The following RHBDD1 variants were observed in gnomAD, a reference collection of about 807,000 sequenced individuals.
RHBDD1 encodes rhomboid-related protein 4.
RHBDD1 carries 38 observed loss-of-function variants against 36.3 expected under a neutral mutation model. That is an observed-to-expected ratio of 1.05 (90% CI 0.81 to 1.37). The LOEUF is 1.37. Among genes scored for constraint, RHBDD1 ranks in the 40% most tolerant of loss-of-function variants. The pLI, the probability that RHBDD1 is intolerant of heterozygous loss-of-function variation, is 0.00. For synonymous variants in RHBDD1, 151 were observed against 136.5 expected (o/e 1.11, Z -0.74); for missense variants, 393 against 377.6 (o/e 1.04, Z -0.34).
the RHBDD1 span, among the ~76,000 whole-genome samples, chr2:226,806,791 T>C: frequency 6.6e-6 from 1 of 152,224 alleles, no homozygotes; most frequent in Non-Finnish European, 1.5e-5. Flanking sequence ...ATTAATTTCC[T>C]AGCACACTAA....
chr2:226,956,023 C>T (rs1034732889), intron 8 of RHBDD1, among the ~76,000 whole-genome samples: 2 of 152,318 alleles, frequency 1.3e-5, no homozygotes, highest in East Asian at 1.9e-4. Flanking sequence ...GTCCCCATGA[C>T]AGCCCTATGA....
At chr2:226,915,648 G>A (rs1948847569) in intron 8 of RHBDD1, among the ~76,000 whole-genome samples, 1 of 152,166 alleles carries the variant, frequency 6.6e-6, no homozygotes, top group Non-Finnish European at 1.5e-5. Context: ...TATAGTCTTA[G>A]TAGCAACAGT....
rs535527106 is a variant in RHBDD1, at chr2:226,955,612, A to C, written c.857-39819A>C. On this transcript the variant is annotated intron_variant, in intron 8 of 8. Transcript: ENST00000392062. ...CCAAAGACTGGGTGGCTTAAACAAC[A>C]GAAGCTTGTTTCTCACTATTCTGGA... is the stretch of plus-strand genomic sequence containing the variant. 1.4e-4 allele frequency among the ~76,000 whole-genome samples: 22 copies of C among 152,350 alleles called. No homozygotes were observed. In the East Asian group the frequency reaches 4.1e-3, roughly 28 times the overall value.
intron 3 of RHBDD1, among the ~76,000 whole-genome samples, chr2:226,842,648 T>A (rs752793040): frequency 6.6e-6 from 1 of 152,220 alleles, no homozygotes; most frequent in Non-Finnish European, 1.5e-5. Context: ...TGTCTATGTA[T>A]CTGTTCTTGT....
At chr2:226,943,842 C>G (rs563082400) in intron 8 of RHBDD1, among the ~76,000 whole-genome samples, 2 of 152,300 alleles carry the variant, frequency 1.3e-5, no homozygotes, top group African/African-American at 4.8e-5. Flanking sequence ...TTTCATCCCC[C>G]TTTGGTAGCC....
intron 8 of RHBDD1, among the ~76,000 whole-genome samples, chr2:226,989,460 T>C (rs1376906359): frequency 6.6e-6 from 1 of 152,226 alleles, no homozygotes; most frequent in Non-Finnish European, 1.5e-5. Context: ...AATATCCTCA[T>C]ATCTTGATCT....
At chr2:226,914,852 G>C (rs1465658511) in intron 8 of RHBDD1, among the ~76,000 whole-genome samples, 1 of 152,084 alleles carries the variant, frequency 6.6e-6, no homozygotes, top group Non-Finnish European at 1.5e-5. Context: ...CTTTCCAGGA[G>C]ATTCTTTTAT....
chr2:226,912,030 T>G (rs1339215483), intron 7 of RHBDD1, among the ~76,000 whole-genome samples: 1 of 151,988 alleles, frequency 6.6e-6, no homozygotes, highest in African/African-American at 2.4e-5. Flanking sequence ...GTTAGAAGAG[T>G]TTTTTCACAA....
chr2:226,860,834 G>A (rs1574842793), intron 3 of RHBDD1, among the ~76,000 whole-genome samples: 1 of 152,182 alleles, frequency 6.6e-6, no homozygotes, highest in African/African-American at 2.4e-5. Context: ...TTCGCATTAA[G>A]TATACATTTA....
At chr2:226,873,042 C>G (rs891898942) in intron 5 of RHBDD1, among the ~76,000 whole-genome samples, 1 of 152,166 alleles carries the variant, frequency 6.6e-6, no homozygotes, top group African/African-American at 2.4e-5. Context: ...GAAGATTTTT[C>G]CAGACACTGG....
rs571852598 is a variant in RHBDD1 at position 226,895,879 on chromosome 2, G to A, written c.567-10914G>A. On this transcript the variant is annotated intron_variant, in intron 5 of 8. Coordinates refer to ENST00000392062, the MANE Select transcript of RHBDD1 (RefSeq NM_001167608.3). ...TGTTCTTAAAATGAGAGCCTTGCTC[G>A]GTGTCTTTTCCCTTTGCATTTAAAA... 144 of 906,426 alleles carry A rather than the reference G, an allele frequency of 1.6e-4. No homozygotes were observed. The African/African-American group carries it at 1.7e-3, about 11-fold the overall frequency. The allele number at this position is 906,426 out of a possible 1,614,324, so 56.1% of individuals were successfully genotyped here.
At chr2:226,961,438 AT>A (rs1255984205) in intron 8 of RHBDD1, among the ~76,000 whole-genome samples, 2 of 152,142 alleles carry the variant, frequency 1.3e-5, no homozygotes, top group African/African-American at 4.8e-5. Flanking sequence ...ATTTCAATCA[AT>A]TTTGGAAATT....
the RHBDD1 span, among the ~76,000 whole-genome samples, chr2:226,826,871 G>C: frequency 6.6e-6 from 1 of 152,004 alleles, no homozygotes; most frequent in Non-Finnish European, 1.5e-5. Flanking sequence ...AAAACCACTT[G>C]AGTTCTAAAG....
At chr2:226,950,724 C>A (rs1951358849) in intron 8 of RHBDD1, among the ~76,000 whole-genome samples, 1 of 152,152 alleles carries the variant, frequency 6.6e-6, no homozygotes, top group Admixed American at 6.5e-5. Flanking sequence ...ATTAGCATTT[C>A]CCTGATATTT....
upstream of RHBDD1, among the ~76,000 whole-genome samples, chr2:226,832,661 A>G (rs1302520820): frequency 1.3e-5 from 2 of 152,256 alleles, no homozygotes; most frequent in African/African-American, 2.4e-5. Context: ...ATATACATTT[A>G]TAACTGTTAT....
intron 8 of RHBDD1, among the ~76,000 whole-genome samples, chr2:226,972,799 A>G (rs1490036456): frequency 6.6e-6 from 1 of 152,014 alleles, no homozygotes; most frequent in African/African-American, 2.4e-5. Context: ...CATGAAGTCT[A>G]TTTGAAATGT....
Position 226,912,319 on chromosome 2 carries a change from A to G in RHBDD1, c.713-1889A>G, listed in dbSNP as rs1333347940. Among the ~76,000 whole-genome samples, 47 of 152,286 alleles carry G rather than the reference A, an allele frequency of 3.1e-4. 1 individual carries two copies. Among genetic ancestry groups the G allele is most frequent in the Non-Finnish European group, 1.8e-4 (12 of 67,988 alleles). ...GGCGATTCCTCAGATAGTTAAACAG[A>G]ATCGCCATGTGACGCAGCAGTTCCA... On this transcript the variant is annotated intron_variant, in intron 7 of 8. Transcript: ENST00000392062.
chr2:226,931,570 A>C (rs1017710476), intron 8 of RHBDD1, among the ~76,000 whole-genome samples: 8 of 152,120 alleles, frequency 5.3e-5, no homozygotes, highest in African/African-American at 1.7e-4. Flanking sequence ...TGATGAGTGC[A>C]CTAAAATCTC....
At chr2:226,850,811 A>G (rs778812411) in intron 3 of RHBDD1, among the ~76,000 whole-genome samples, 1 of 152,198 alleles carries the variant, frequency 6.6e-6, no homozygotes, top group Admixed American at 6.5e-5. Flanking sequence ...TAAATGAATA[A>G]AAGTGTTTGT....
Sources: allele counts gnomAD v4.1 joint callset (sites outside exome capture counted in the v4.1 genomes callset), GRCh38; gene constraint gnomAD v4.1.1; transcripts MANE v1.5; gene names NCBI Gene and HGNC (gene_info 2026-07-23, HGNC 2026-07-21).